AZIN1: variants seen among roughly 807,000 people sequenced by gnomAD.
AZIN1 encodes antizyme inhibitor 1.
A neutral mutation model predicts 47.4 loss-of-function variants in AZIN1; 12 were observed. The observed-to-expected ratio is 0.25, with a 90% CI of 0.16 to 0.41. The LOEUF (loss-of-function observed/expected upper bound fraction) is 0.41, where lower values mean the gene tolerates loss of function less well. Among genes scored for constraint, AZIN1 ranks in the 10% least tolerant of loss-of-function variants. The pLI, the probability that AZIN1 is intolerant of heterozygous loss-of-function variation, is 1.00. For missense variants in AZIN1, 410 were observed against 532.4 expected (o/e 0.77, Z 2.26); for synonymous variants, 155 against 176.3 (o/e 0.88, Z 0.96).
rs1811208428 is a variant in AZIN1, at chr8:102,828,134, T to C, written c.*433A>G. 6.5e-6 allele frequency: 1 copy of C among 153,554 alleles called. No individual in the cohort carries two copies. Among genetic ancestry groups the C allele is most frequent in the Non-Finnish European group, 1.5e-5 (1 of 68,710 alleles). 9.5% of individuals were successfully genotyped at this position (153,554 alleles called of 1,614,324 possible). ...TACACATTCTAAATACACTAAACGTTATCTAATGAAGTCACACTGGTCTTC... is the reference window on the plus strand; with the variant it reads ...TACACATTCTAAATACACTAAACGTCATCTAATGAAGTCACACTGGTCTTC... On this transcript the variant is annotated 3_prime_UTR_variant, in exon 12 of 12. Transcript: ENST00000337198.
intron 8 of AZIN1, among the ~76,000 whole-genome samples, chr8:102,833,891 TAAAAAA>T (rs74551220): frequency 7.9e-6 from 1 of 126,544 alleles, no homozygotes; most frequent in East Asian, 2.2e-4. Context: ...AGGAAGACTT[TAAAAAA>T]AAAAAAAAAA....
intron 1 of AZIN1, among the ~76,000 whole-genome samples, chr8:102,861,725 A>T (rs1813666713): frequency 6.6e-6 from 1 of 152,028 alleles, no homozygotes; most frequent in Admixed American, 6.6e-5. Context: ...GAATAGACGA[A>T]AATAATCTAT....
In AZIN1 at chr8:102,834,735, C is replaced by G. The variant is rs1020114313; in HGVS notation, c.597G>C (p.Ser199=). Residue 199 remains serine (S), a synonymous_variant, in exon 7 of 12, where the codon TCG becomes TCC. Transcript: ENST00000337198. The part of the protein sequence containing the change: ...VQIIGVKFHV[S]SACKESQVYV... Reference sequence around the variant, plus strand: ...ATACTTGAGATTCTTTGCAAGCACTCGAAACATGAAATCTGAAACACATAG... The same window carrying G: ...ATACTTGAGATTCTTTGCAAGCACTGGAAACATGAAATCTGAAACACATAG... 1 of 1,610,422 alleles carries G rather than the reference C, an allele frequency of 6.2e-7. No homozygotes were observed. The highest frequency in any genetic ancestry group is 8.5e-7 in the Non-Finnish European group (1 of 1,177,630).
intron 2 of AZIN1, among the ~76,000 whole-genome samples, chr8:102,857,253 G>T (rs773126301): frequency 1.3e-5 from 2 of 152,098 alleles, no homozygotes; most frequent in Non-Finnish European, 2.9e-5. Context: ...TGTTTAACAA[G>T]ATCAGATTAA....
At chr8:102,843,205 CA>C (rs10713233) in intron 3 of AZIN1, among the ~76,000 whole-genome samples, 48,081 of 96,770 alleles carry the variant, frequency 0.5, 7,760 homozygotes, top group Middle Eastern at 0.56. Context: ...GACTCGTCTC[CA>C]AAAAAAAAAA....
At position 102,834,679 on chromosome 8, in the gene AZIN1, A is replaced by G; in HGVS notation, c.653T>C (p.Val218Ala). The G allele has an allele frequency of 6.2e-7, 1 of 1,607,316 alleles. No individual in the cohort carries two copies. The highest frequency in any genetic ancestry group is 8.5e-7 in the Non-Finnish European group (1 of 1,176,276). ...GAAAGAACTTACAGCCATGTCAAACACACATCGAGCATCAGATAGAGCATG... is the reference window on the plus strand; with the variant it reads ...GAAAGAACTTACAGCCATGTCAAACGCACATCGAGCATCAGATAGAGCATG... Reference protein sequence around the residue: ...YVHALSDARCVFDMAGEIGFT... With the variant: ...YVHALSDARCAFDMAGEIGFT... Residue 218 changes from valine to alanine, a missense_variant, in exon 7 of 12, where the codon GTG becomes GCG. Physicochemically the swap from Val to Ala is moderately conservative, Grantham distance 64. This residue lies in a region of AZIN1 where 237 missense variants were observed against 309.4 expected (regional missense o/e 0.77). Transcript: ENST00000337198.
At chr8:102,850,737 A>G (rs901420699) in intron 2 of AZIN1, among the ~76,000 whole-genome samples, 7 of 152,212 alleles carry the variant, frequency 4.6e-5, no homozygotes, top group African/African-American at 1.7e-4. Context: ...ATCACAATGC[A>G]TACCCCTAAA....
intron 1 of AZIN1, among the ~76,000 whole-genome samples, chr8:102,862,256 C>T (rs567422968): frequency 2.6e-5 from 4 of 152,114 alleles, no homozygotes; most frequent in Non-Finnish European, 5.9e-5. Context: ...GTAAGCGGTA[C>T]TGAGCTCTAT....
In AZIN1 at chr8:102,828,694, AT is replaced by A. The variant is rs752402398; in HGVS notation, c.1236-17del. ...CATCTCATACCTACGTAGAAAAAAA[AT>A]CAGCTAAATTCTCAGTTTAAGCCCA... On this transcript the variant is annotated splice_polypyrimidine_tract_variant and intron_variant, in intron 11 of 11. Coordinates refer to ENST00000337198, the MANE Select transcript of AZIN1 (RefSeq NM_148174.4). 1 of 1,559,706 alleles carries A rather than the reference AT, an allele frequency of 6.4e-7. No individual in the cohort carries two copies. Among genetic ancestry groups the A allele is most frequent in the Admixed American group, 1.7e-5 (1 of 58,226 alleles).
At chr8:102,834,102 C>T (rs1348623440) in intron 8 of AZIN1, 87 bp downstream of exon 8, 8 of 1,060,104 alleles carry the variant, frequency 7.5e-6, no homozygotes, top group Non-Finnish European at 1.1e-5. Flanking sequence ...TAGTTTCTGC[C>T]ATTGTAAAAA....
chr8:102,842,698 C>A (rs1334356152), intron 3 of AZIN1, among the ~76,000 whole-genome samples: 1 of 139,092 alleles, frequency 7.2e-6, no homozygotes, highest in Non-Finnish European at 1.5e-5. Flanking sequence ...CAGAGGGAGA[C>A]TCCATCTCAA....
chr8:102,837,587 C>T (rs1563534762), intron 5 of AZIN1, among the ~76,000 whole-genome samples: 3 of 152,200 alleles, frequency 2.0e-5, no homozygotes, highest in African/African-American at 7.2e-5. Context: ...CACAATCTAA[C>T]ATACTAAACA....
intron 6 of AZIN1, 55 bp from the exon 7 acceptor site, chr8:102,834,802 C>T (rs1242149389): frequency 1.7e-6 from 2 of 1,197,838 alleles, no homozygotes; most frequent in East Asian, 2.3e-5. Flanking sequence ...GAGACACCTC[C>T]TGTAATTTCT....
chr8:102,841,801 T>TAAAAAA (rs200248209), intron 3 of AZIN1, among the ~76,000 whole-genome samples: 2 of 115,058 alleles, frequency 1.7e-5, no homozygotes, highest in South Asian at 2.7e-4. Flanking sequence ...AATATATATA[T>TAAAAAA]ATATAAAAAA....
chr8:102,834,736 G>A lies in AZIN1; in HGVS notation c.596C>T (p.Ser199Leu), dbSNP rs1316801091. The change falls in exon 7 of 12, where the codon TCG (serine) becomes TTG (leucine). Residue 199 changes from serine to leucine, a missense_variant. Ser to Leu is a moderately radical substitution (Grantham distance 145). Around this residue, in one of 3 missense-constraint regions of AZIN1, gnomAD observed 237 missense variants for 309.4 expected, o/e 0.77. Transcript: ENST00000337198. ...VQIIGVKFHV[S>L]SACKESQVYV... ...TACTTGAGATTCTTTGCAAGCACTC[G>A]AAACATGAAATCTGAAACACATAGA... The A allele has an allele frequency of 2.2e-5, 36 of 1,609,944 alleles. No homozygotes were observed. Among genetic ancestry groups the A allele is most frequent in the African/African-American group, 5.3e-5 (4 of 74,792 alleles).
At chr8:102,840,573 T>C (rs1812115641) in intron 3 of AZIN1, among the ~76,000 whole-genome samples, 1 of 152,140 alleles carries the variant, frequency 6.6e-6, no homozygotes, top group Admixed American at 6.6e-5. Flanking sequence ...AATTAGATTT[T>C]AAAAGTACAT....
At chr8:102,843,840 G>A (rs1352311498) in intron 2 of AZIN1, 93 bp from the exon 3 acceptor site, 4 of 863,030 alleles carry the variant, frequency 4.6e-6, no homozygotes, top group East Asian at 3.3e-5. Flanking sequence ...AATTTAGTGA[G>A]GAATTTACGC....
chr8:102,830,141 TTTG>T lies in AZIN1; in HGVS notation c.905-208_905-206del, dbSNP rs1811343137. ...TGGCTCATACCTGTAATCCTAGCAC[TTTG>T]TGAGGCTGAGGTGGGAGGATCACTT... On this transcript the variant is annotated intron_variant, in intron 9 of 11. Coordinates refer to ENST00000337198, the MANE Select transcript of AZIN1 (RefSeq NM_148174.4). 1.2e-5 allele frequency: 5 copies of T among 410,884 alleles called. No homozygotes were observed. The East Asian group carries it at 2.3e-4, about 19-fold the overall frequency. The allele number at this position is 410,884 out of a possible 1,614,324, so 25.5% of individuals were successfully genotyped here.
At position 102,827,125 on chromosome 8, in the gene AZIN1, CT is replaced by C. The variant is rs950438219; in HGVS notation, c.*1441del. 6.6e-6 allele frequency: 1 copy of C among 152,586 alleles called. No individual in the cohort carries two copies. The highest frequency in any genetic ancestry group is 1.5e-5 in the Non-Finnish European group (1 of 68,018). The allele number at this position is 152,586 out of a possible 1,614,324, so 9.5% of individuals were successfully genotyped here. A position where few individuals can be genotyped will look rare whatever the true frequency, so the allele number is the denominator to read the frequency against. On this transcript the variant is annotated 3_prime_UTR_variant, in exon 12 of 12. Coordinates refer to ENST00000337198, the MANE Select transcript of AZIN1 (RefSeq NM_148174.4). ...TCCTATGTAGCACAGGTAGAATTTT[CT>C]GTCCATTGGCACCAAAGTGAAGTCA...
Sources: allele counts gnomAD v4.1 joint callset (sites outside exome capture counted in the v4.1 genomes callset), GRCh38; gene constraint gnomAD v4.1.1; regional missense constraint gnomAD v4.1.1; transcripts MANE v1.5; gene names NCBI Gene and HGNC (gene_info 2026-07-23, HGNC 2026-07-21).